Variants in TENM3 observed in about 807,000 individuals in gnomAD.
TENM3 encodes teneurin transmembrane protein 3.
TENM3 carries 63 observed loss-of-function variants against 255.1 expected under a neutral mutation model. The observed-to-expected ratio is 0.25, with a 90% CI of 0.20 to 0.30. The LOEUF (loss-of-function observed/expected upper bound fraction) is 0.30, where lower values mean the gene tolerates loss of function less well. TENM3 is among the 10% of genes least tolerant of loss of function. The probability of loss-of-function intolerance (pLI) is 1.00; values close to 1 mark genes in which losing one functional copy is unlikely to be tolerated. For synonymous variants in TENM3, 1,306 were observed against 1,322.3 expected (o/e 0.99, Z 0.27); for missense variants, 2,929 against 3,461.1 (o/e 0.85, Z 3.86).
chr4:181,553,511 G>C, the TENM3 span, among the ~76,000 whole-genome samples: 2 of 151,750 alleles, frequency 1.3e-5, no homozygotes, highest in South Asian at 2.1e-4. Flanking sequence ...GCGCGATCTC[G>C]GCTCACTGCA....
chr4:181,572,292 C>G, the TENM3 span, among the ~76,000 whole-genome samples: 1 of 152,186 alleles, frequency 6.6e-6, no homozygotes, highest in Non-Finnish European at 1.5e-5. Context: ...TACAGGGGCT[C>G]AGGGAGAAAA....
chr4:181,763,402 G>C, the TENM3 span, among the ~76,000 whole-genome samples: 1 of 152,086 alleles, frequency 6.6e-6, no homozygotes, highest in African/African-American at 2.4e-5. Flanking sequence ...TCCAGATAAA[G>C]TGTCAAAAAA....
Position 182,793,509 on chromosome 4 carries a change from A to T in TENM3, c.6837A>T (p.Gly2279=), listed in dbSNP as rs760475793. ...EITSLYYDLQ[G]HLFAMEISSG... is the part of the protein sequence containing the mutation. Reference sequence around the variant, plus strand: ...CCTCCCTGTATTATGATCTCCAAGGACATCTTTTTGCCATGGAAATCAGCA... The same window carrying T: ...CCTCCCTGTATTATGATCTCCAAGGTCATCTTTTTGCCATGGAAATCAGCA... Residue 2279 remains glycine, a synonymous_variant, in exon 26 of 28, where the codon GGA becomes GGT. Transcript: ENST00000511685. This position sits in a 1 kb window ranked among gnomAD's most constrained non-coding sequence, Gnocchi z 5.7. The T allele has an allele frequency of 2.8e-4, 456 of 1,613,982 alleles. 6 individuals are homozygous for T. The South Asian group carries it at 4.8e-3, about 17-fold the overall frequency.
At chr4:182,621,617 A>AATAT (rs756444770) in intron 4 of TENM3, among the ~76,000 whole-genome samples, 40,342 of 102,192 alleles carry the variant, frequency 0.39, 8,977 homozygotes, top group South Asian at 0.46. Flanking sequence ...ATATATAAAT[A>AATAT]TATATATAAA....
chr4:182,526,226 C>T (rs968236666), intron 3 of TENM3, among the ~76,000 whole-genome samples: 3 of 151,734 alleles, frequency 2.0e-5, no homozygotes, highest in Non-Finnish European at 4.4e-5. Context: ...GTGATCCACC[C>T]ACCTCAGCCT....
At chr4:181,950,151 A>C in the TENM3 span, among the ~76,000 whole-genome samples, 1 of 152,098 alleles carries the variant, frequency 6.6e-6, no homozygotes, top group Non-Finnish European at 1.5e-5. Flanking sequence ...AAGTGATGAC[A>C]TTACCTTGTG....
chr4:182,137,973 G>A, the TENM3 span, among the ~76,000 whole-genome samples: 3 of 152,196 alleles, frequency 2.0e-5, no homozygotes, highest in South Asian at 4.1e-4. Context: ...TTTTGTGTAA[G>A]TCCTGAATAT....
At chr4:181,689,836 C>T in the TENM3 span, among the ~76,000 whole-genome samples, 2 of 152,024 alleles carry the variant, frequency 1.3e-5, no homozygotes, top group Admixed American at 1.3e-4. Flanking sequence ...TCATGGAGGT[C>T]GGTTACGGAT....
chr4:181,971,398 A>G, the TENM3 span, among the ~76,000 whole-genome samples: 1 of 152,206 alleles, frequency 6.6e-6, no homozygotes, highest in African/African-American at 2.4e-5. Flanking sequence ...AGCAGGGAAA[A>G]CAAAACATGA....
the TENM3 span, among the ~76,000 whole-genome samples, chr4:181,893,721 T>A: frequency 6.6e-6 from 1 of 152,112 alleles, no homozygotes. Flanking sequence ...TTTCTACATT[T>A]GATTTGTATT....
intron 3 of TENM3, among the ~76,000 whole-genome samples, chr4:182,589,579 T>A (rs1350075624): frequency 6.6e-6 from 1 of 151,878 alleles, no homozygotes; most frequent in Non-Finnish European, 1.5e-5. Flanking sequence ...TAGCTGAAGG[T>A]AGATTGTTTC....
chr4:181,679,359 CTCCTTTAAATTTAATTTGGCTTAAGTTT>C, the TENM3 span, among the ~76,000 whole-genome samples: 1 of 147,626 alleles, frequency 6.8e-6, no homozygotes, highest in East Asian at 2.0e-4. Flanking sequence ...ATCAATTAAA[CTCCTTTAAATTTAATTTGGCTTAAGTTT>C]TTTTCCTTAT....
the TENM3 span, among the ~76,000 whole-genome samples, chr4:181,836,537 G>A: frequency 6.6e-6 from 1 of 152,042 alleles, no homozygotes; most frequent in Non-Finnish European, 1.5e-5. Context: ...TTTATTAAAA[G>A]TTCATCCTTT....
At chr4:182,002,786 C>G in the TENM3 span, among the ~76,000 whole-genome samples, 2 of 152,068 alleles carry the variant, frequency 1.3e-5, no homozygotes, top group Non-Finnish European at 2.9e-5. Context: ...AGGCTATAGA[C>G]CACCCATTCT....
At chr4:181,451,152 G>A in the TENM3 span, among the ~76,000 whole-genome samples, 1 of 152,158 alleles carries the variant, frequency 6.6e-6, no homozygotes, top group Admixed American at 6.5e-5. Flanking sequence ...ATGTAATATT[G>A]GAGCAGACTT....
At chr4:182,484,653 A>G in intron 3 of TENM3, among the ~76,000 whole-genome samples, 1 of 152,172 alleles carries the variant, frequency 6.6e-6, no homozygotes, top group South Asian at 2.1e-4. Context: ...TAAATTAATG[A>G]TAAAGAAAAG....
At chr4:182,241,893 C>A (rs1306123673), upstream of TENM3, among the ~76,000 whole-genome samples, 2 of 152,098 alleles carry the variant, frequency 1.3e-5, no homozygotes, top group Admixed American at 6.5e-5. Context: ...AAATGACTCT[C>A]CGTGGTCACA....
intron 1 of TENM3, among the ~76,000 whole-genome samples, chr4:182,260,937 G>A (rs1464027170): frequency 5.3e-5 from 8 of 151,964 alleles, no homozygotes; most frequent in African/African-American, 9.7e-5. Context: ...GTGCAGAGGC[G>A]TGATCTCAGC....
chr4:181,814,091 A>C, the TENM3 span, among the ~76,000 whole-genome samples: 4 of 152,212 alleles, frequency 2.6e-5, no homozygotes, highest in Admixed American at 2.0e-4. Flanking sequence ...TCATCCCATT[A>C]AAGGCTTTAG....
Sources: gnomAD v4.1 joint callset for allele counts (sites outside exome capture counted in the v4.1 genomes callset) on GRCh38, gnomAD v4.1.1 for gene constraint, Gnocchi (gnomAD v3.1) non-coding constraint, MANE v1.5 for transcripts, NCBI Gene and HGNC (gene_info 2026-07-23, HGNC 2026-07-21) for gene names.